PPHLN1: variants seen among roughly 807,000 people sequenced by gnomAD.
The protein encoded by PPHLN1 is periphilin 1, also known as periphilin-1.
In PPHLN1, 29 loss-of-function variants were observed where a neutral mutation model predicts 51.3. The observed-to-expected ratio is 0.57, with a 90% CI of 0.42 to 0.77. The LOEUF (loss-of-function observed/expected upper bound fraction) is 0.77. Ranked by LOEUF, PPHLN1 falls within the 30% of genes least tolerant of loss-of-function variation. The probability of loss-of-function intolerance (pLI) is 0.00; values close to 1 mark genes in which losing one functional copy is unlikely to be tolerated. For synonymous variants in PPHLN1, 147 were observed against 147.8 expected (o/e 0.99, Z 0.04); for missense variants, 436 against 438.4 (o/e 0.99, Z 0.05).
At chr12:42,401,373 C>T (rs1333696047) in intron 9 of PPHLN1, among the ~76,000 whole-genome samples, 2 of 152,126 alleles carry the variant, frequency 1.3e-5, no homozygotes, top group Non-Finnish European at 2.9e-5. Flanking sequence ...AGAACACTCT[C>T]CTAATATAAT....
chr12:42,352,202 G>A lies in PPHLN1; in HGVS notation c.237+153G>A, dbSNP rs555935758. ...ATTGCCTGCTGGAGCTGTCAGATGGGACCTAATAGTCAAGAATCTTGGGGT... is the reference window on the plus strand; with the variant it reads ...ATTGCCTGCTGGAGCTGTCAGATGGAACCTAATAGTCAAGAATCTTGGGGT... On this transcript the variant is annotated intron_variant, in intron 3 of 9. Coordinates refer to ENST00000358314, the MANE Select transcript of PPHLN1 (RefSeq NM_201439.2). 5.3e-5 allele frequency among the ~76,000 whole-genome samples: 8 copies of A among 152,148 alleles called. No homozygotes were observed. The East Asian group carries it at 1.5e-3, about 29-fold the overall frequency.
intron 4 of PPHLN1, among the ~76,000 whole-genome samples, chr12:42,364,020 T>G (rs951786438): frequency 1.3e-5 from 2 of 151,882 alleles, no homozygotes; most frequent in African/African-American, 4.8e-5. Context: ...GGCCAGGAGT[T>G]TGAGACCAGC....
downstream of PPHLN1, chr12:42,446,465 C>T: frequency 7.4e-7 from 1 of 1,349,818 alleles, no homozygotes; most frequent in Non-Finnish European, 1.0e-6. Context: ...CAGTAACAGC[C>T]ATATGGAAGG....
At chr12:42,392,181 A>G (rs1054339362) in intron 7 of PPHLN1, among the ~76,000 whole-genome samples, 13 of 152,312 alleles carry the variant, frequency 8.5e-5, no homozygotes, top group African/African-American at 2.9e-4. Flanking sequence ...GCGGCACTGC[A>G]CTTGAGCCTG....
intron 4 of PPHLN1, among the ~76,000 whole-genome samples, chr12:42,364,926 A>T (rs942802111): frequency 6.6e-6 from 1 of 152,188 alleles, no homozygotes; most frequent in Non-Finnish European, 1.5e-5. Context: ...TAAAAAAACA[A>T]ACAAAGTTCT....
intron 9 of PPHLN1, among the ~76,000 whole-genome samples, chr12:42,410,884 G>A (rs1310454861): frequency 6.6e-6 from 1 of 152,116 alleles, no homozygotes; most frequent in Non-Finnish European, 1.5e-5. Flanking sequence ...AATTGGGAAA[G>A]AAAGAAATTA....
intron 6 of PPHLN1, 41 bp from the exon 7 acceptor site, chr12:42,387,414 AT>A: frequency 6.4e-7 from 1 of 1,566,198 alleles, no homozygotes; most frequent in Non-Finnish European, 8.6e-7. Flanking sequence ...TCAAAAACAA[AT>A]TAGCTAGAAA....
At chr12:42,369,694 G>T (rs1399457634) in intron 4 of PPHLN1, among the ~76,000 whole-genome samples, 1 of 152,182 alleles carries the variant, frequency 6.6e-6, no homozygotes, top group Non-Finnish European at 1.5e-5. Flanking sequence ...GTTAAGGAAT[G>T]CAATGAGATT....
At chr12:42,375,604 C>T (rs2076202078) in intron 5 of PPHLN1, among the ~76,000 whole-genome samples, 1 of 152,184 alleles carries the variant, frequency 6.6e-6, no homozygotes, top group African/African-American at 2.4e-5. Context: ...GCCACTGCTC[C>T]TGGCCAGCCT....
chr12:42,342,131 C>G (rs78970177), intron 2 of PPHLN1, among the ~76,000 whole-genome samples: 223 of 152,270 alleles, frequency 1.5e-3, no homozygotes, highest in African/African-American at 4.4e-3. Flanking sequence ...ACCTGTAAAG[C>G]TCTTGTTTTT....
chr12:42,362,286 G>A (rs938201486), intron 4 of PPHLN1, among the ~76,000 whole-genome samples: 2 of 151,976 alleles, frequency 1.3e-5, no homozygotes, highest in African/African-American at 4.8e-5. Flanking sequence ...AACTGTATGT[G>A]ATACATGATT....
intron 7 of PPHLN1, among the ~76,000 whole-genome samples, chr12:42,390,140 A>G (rs1418117929): frequency 6.6e-6 from 1 of 152,196 alleles, no homozygotes; most frequent in Non-Finnish European, 1.5e-5. Flanking sequence ...GGAAGAGTAG[A>G]TATCACCTAG....
intron 9 of PPHLN1, among the ~76,000 whole-genome samples, chr12:42,424,908 A>T (rs1174256475): frequency 6.6e-6 from 1 of 152,194 alleles, no homozygotes; most frequent in East Asian, 1.9e-4. Flanking sequence ...GAAAAAAAGC[A>T]TAATAACACG....
downstream of PPHLN1, chr12:42,445,247 C>A: frequency 1.7e-6 from 1 of 601,304 alleles, no homozygotes; most frequent in Non-Finnish European, 3.0e-6. Flanking sequence ...TTAACCAAGC[C>A]ACCCAATCAC....
intron 1 of PPHLN1, among the ~76,000 whole-genome samples, chr12:42,332,109 C>T (rs1334522356): frequency 2.0e-5 from 3 of 151,996 alleles, no homozygotes; most frequent in Non-Finnish European, 4.4e-5. Context: ...GAGGTTGAGT[C>T]GGGAGGATCA....
At chr12:42,345,175 T>G (rs535208792) in intron 2 of PPHLN1, among the ~76,000 whole-genome samples, 1 of 152,292 alleles carries the variant, frequency 6.6e-6, no homozygotes, top group Non-Finnish European at 1.5e-5. Flanking sequence ...TTTCACCAGT[T>G]GGAAAACTAG....
At chr12:42,359,813 G>T (rs1233895071) in intron 4 of PPHLN1, among the ~76,000 whole-genome samples, 1 of 152,078 alleles carries the variant, frequency 6.6e-6, no homozygotes. Flanking sequence ...AATATTAAAA[G>T]ATTTGAAAAA....
At chr12:42,396,786 T>C (rs1271668803) in intron 8 of PPHLN1, among the ~76,000 whole-genome samples, 2 of 149,542 alleles carry the variant, frequency 1.3e-5, no homozygotes, top group African/African-American at 4.9e-5. Context: ...CAAGACCCTG[T>C]CTCAGAAAAA....
At chr12:42,354,216 AATTTT>A (rs1332724794) in intron 3 of PPHLN1, among the ~76,000 whole-genome samples, 4 of 152,070 alleles carry the variant, frequency 2.6e-5, no homozygotes, top group Admixed American at 2.0e-4. Context: ...TTCTATGTAT[AATTTT>A]ATTTATTTAT....
Sources: allele counts gnomAD v4.1 joint callset (sites outside exome capture counted in the v4.1 genomes callset), GRCh38; gene constraint gnomAD v4.1.1; transcripts MANE v1.5; gene names NCBI Gene and HGNC (gene_info 2026-07-23, HGNC 2026-07-21).